TCF12: variants seen among roughly 807,000 people sequenced by gnomAD.
TCF12 encodes transcription factor 12, also known as DNA-binding protein HTF4.
A neutral mutation model predicts 86.0 loss-of-function variants in TCF12; 45 were observed. That is an observed-to-expected ratio of 0.52 (90% CI 0.41 to 0.67). TCF12 has a LOEUF of 0.67. TCF12 is among the 30% of genes least tolerant of loss of function. The pLI, the probability that TCF12 is intolerant of heterozygous loss-of-function variation, is 0.00. For missense variants in TCF12, 881 were observed against 859.9 expected (o/e 1.02, Z -0.31); for synonymous variants, 330 against 299.6 (o/e 1.10, Z -1.05).
At chr15:57,173,149 G>A (rs1157137257) in intron 6 of TCF12, among the ~76,000 whole-genome samples, 4 of 152,088 alleles carry the variant, frequency 2.6e-5, no homozygotes, top group African/African-American at 4.8e-5. Flanking sequence ...TAAGCAACAT[G>A]TTTAAATGAC....
At chr15:57,099,084 T>A (rs1394881069) in intron 5 of TCF12, among the ~76,000 whole-genome samples, 2 of 152,262 alleles carry the variant, frequency 1.3e-5, no homozygotes, top group Non-Finnish European at 2.9e-5. Context: ...GGAATGTTTT[T>A]AATCAGTGGA....
intron 4 of TCF12, among the ~76,000 whole-genome samples, chr15:57,071,723 C>T (rs1449148936): frequency 4.6e-5 from 7 of 152,170 alleles, no homozygotes; most frequent in African/African-American, 1.4e-4. Flanking sequence ...TAGTTAATTA[C>T]GAAAATAATT....
intron 3 of TCF12, among the ~76,000 whole-genome samples, chr15:57,012,945 C>G (rs1182544185): frequency 6.6e-6 from 1 of 151,852 alleles, no homozygotes; most frequent in African/African-American, 2.4e-5. Flanking sequence ...GTAAGAGGCT[C>G]TGATTTAACT....
At chr15:57,120,552 T>A (rs2051158761) in intron 5 of TCF12, among the ~76,000 whole-genome samples, 1 of 152,252 alleles carries the variant, frequency 6.6e-6, no homozygotes, top group South Asian at 2.1e-4. Flanking sequence ...TTTGAATGCA[T>A]ATCTGTCTCT....
intron 19 of TCF12, among the ~76,000 whole-genome samples, chr15:57,279,884 CTTTTTTTTTT>C (rs34752903): frequency 2.0e-5 from 2 of 98,308 alleles, no homozygotes; most frequent in Admixed American, 2.3e-4. Context: ...CACAGTCTCA[CTTTTTTTTTT>C]TTTTTTTTTT....
chr15:57,265,848 G>A lies in TCF12; in HGVS notation c.1745+2574G>A, dbSNP rs371306691. ...TGTTTATAACAAACAAAGAGTTAAC[G>A]TGACTAATGTGTTGTGCTGCAGCCT... On this transcript the variant is annotated intron_variant, in intron 18 of 20. Transcript: ENST00000333725. Among the ~76,000 whole-genome samples the A allele has an allele frequency of 1.6e-4, 25 of 152,232 alleles. 1 individual carries two copies. In the South Asian group the frequency reaches 3.5e-3, roughly 21 times the overall value.
intron 5 of TCF12, among the ~76,000 whole-genome samples, chr15:57,155,019 A>G (rs2054019985): frequency 6.6e-6 from 1 of 152,170 alleles, no homozygotes; most frequent in South Asian, 2.1e-4. Context: ...AGGTAGAACT[A>G]TTTTTATCCT....
chr15:57,074,359 TTAAA>T (rs1200282182), intron 4 of TCF12, among the ~76,000 whole-genome samples: 36 of 96,992 alleles, frequency 3.7e-4, no homozygotes, highest in Non-Finnish European at 3.4e-4. Context: ...CCCATTTTGA[TTAAA>T]AAAAAAAAAA....
chr15:57,207,769 C>T (rs1046409719), intron 8 of TCF12, among the ~76,000 whole-genome samples: 1 of 152,138 alleles, frequency 6.6e-6, no homozygotes, highest in African/African-American at 2.4e-5. Context: ...TCAAACTCAT[C>T]ATTATTTGAA....
chr15:57,143,090 C>T (rs1401839383), intron 5 of TCF12, among the ~76,000 whole-genome samples: 4 of 150,514 alleles, frequency 2.7e-5, no homozygotes, highest in African/African-American at 9.8e-5. Flanking sequence ...CATTATTATG[C>T]ATTGCCTACC....
chr15:57,265,857 G>A (rs1465060242), intron 18 of TCF12, among the ~76,000 whole-genome samples: 1 of 152,150 alleles, frequency 6.6e-6, no homozygotes, highest in Non-Finnish European at 1.5e-5. Context: ...CGTGACTAAT[G>A]TGTTGTGCTG....
intron 7 of TCF12, among the ~76,000 whole-genome samples, chr15:57,195,562 T>C (rs553213986): frequency 2.0e-5 from 3 of 152,226 alleles, no homozygotes; most frequent in Non-Finnish European, 2.9e-5. Context: ...TAAGGAAATA[T>C]AGGCTTGCCT....
At chr15:57,183,007 G>A (rs1426593535) in intron 6 of TCF12, among the ~76,000 whole-genome samples, 1 of 152,108 alleles carries the variant, frequency 6.6e-6, no homozygotes, top group East Asian at 1.9e-4. Flanking sequence ...TTCAAATTAG[G>A]ATTTCACTAC....
chr15:57,142,389 C>T (rs183200105), intron 5 of TCF12, among the ~76,000 whole-genome samples: 1 of 147,092 alleles, frequency 6.8e-6, no homozygotes, highest in African/African-American at 2.5e-5. Context: ...TACAGATTCC[C>T]TCAGCTGTGT....
intron 3 of TCF12, among the ~76,000 whole-genome samples, chr15:57,021,035 ATATT>A (rs1440790465): frequency 6.6e-6 from 1 of 152,176 alleles, no homozygotes; most frequent in Non-Finnish European, 1.5e-5. Flanking sequence ...CTTTCCCTAT[ATATT>A]CTTCAATTAC....
chr15:57,232,975 T>A, intron 11 of TCF12, 119 bp downstream of exon 11: 1 of 583,234 alleles, frequency 1.7e-6, no homozygotes, highest in Non-Finnish European at 2.3e-6. Context: ...TGTATATATG[T>A]TATATATGTA....
intron 6 of TCF12, among the ~76,000 whole-genome samples, chr15:57,187,781 T>G (rs2056759681): frequency 6.6e-6 from 1 of 151,882 alleles, no homozygotes; most frequent in Non-Finnish European, 1.5e-5. Flanking sequence ...AATACAAAAA[T>G]TAGCCGGACA....
chr15:57,005,287 C>G (rs1403001579), intron 3 of TCF12, among the ~76,000 whole-genome samples: 3 of 152,158 alleles, frequency 2.0e-5, no homozygotes, highest in African/African-American at 7.2e-5. Context: ...TACTCATGTA[C>G]ATTTTTTTAA....
intron 5 of TCF12, among the ~76,000 whole-genome samples, chr15:57,157,818 C>G (rs532721303): frequency 6.6e-6 from 1 of 152,208 alleles, no homozygotes; most frequent in African/African-American, 2.4e-5. Flanking sequence ...CCACTTTAGA[C>G]TCCCAAAGTG....
Sources: allele counts gnomAD v4.1 joint callset (sites outside exome capture counted in the v4.1 genomes callset), GRCh38; gene constraint gnomAD v4.1.1; transcripts MANE v1.5; gene names NCBI Gene and HGNC (gene_info 2026-07-23, HGNC 2026-07-21).